The following ADAMTSL1 variants were observed in gnomAD, a reference collection of about 807,000 sequenced individuals.
ADAMTSL1 encodes ADAMTS like 1.
A neutral mutation model predicts 201.8 loss-of-function variants in ADAMTSL1; 126 were observed. The ratio of observed to expected loss-of-function variants is 0.62; its 90% confidence interval spans 0.54 to 0.72. The LOEUF is 0.72. ADAMTSL1 is among the 30% of genes least tolerant of loss of function. ADAMTSL1 has a pLI of 0.00. For synonymous variants in ADAMTSL1, 1,121 were observed against 903.4 expected (o/e 1.24, Z -4.32); for missense variants, 2,679 against 2,277.8 (o/e 1.18, Z -3.59).
intron 2 of ADAMTSL1, among the ~76,000 whole-genome samples, chr9:18,276,245 G>GTC (rs1832584049): frequency 6.6e-6 from 1 of 151,972 alleles, no homozygotes; most frequent in African/African-American, 2.4e-5. Flanking sequence ...TTTTAGAAAA[G>GTC]AGTTCTTTGT....
chr9:18,304,557 C>T (rs547978066), intron 2 of ADAMTSL1, among the ~76,000 whole-genome samples: 4 of 151,910 alleles, frequency 2.6e-5, no homozygotes, highest in East Asian at 3.9e-4. Flanking sequence ...CATATATAAG[C>T]GTGTTATTTA....
At position 18,028,742 on chromosome 9, in the gene ADAMTSL1, G is replaced by A. The variant is rs372695598; in HGVS notation, c.87+121820G>A. On this transcript the variant is annotated intron_variant, in intron 1 of 29. Coordinates refer to the ADAMTSL1 transcript ENST00000680146. ...TGGCTTAGGATTGACTTGGCAATGC[G>A]GGCTCTTTTTTGGTTCCATATGAAC... 2.2e-3 allele frequency among the ~76,000 whole-genome samples: 337 copies of A among 152,172 alleles called. 6 individuals carry two copies. The South Asian group carries it at 0.034, about 15-fold the overall frequency.
intron 2 of ADAMTSL1, among the ~76,000 whole-genome samples, chr9:18,528,676 A>C (rs1819249474): frequency 6.6e-6 from 1 of 152,184 alleles, no homozygotes; most frequent in Non-Finnish European, 1.5e-5. Flanking sequence ...ATACCTGTGC[A>C]TATTACATTT....
chr9:18,129,173 G>A (rs1298802675), intron 1 of ADAMTSL1, among the ~76,000 whole-genome samples: 1 of 152,154 alleles, frequency 6.6e-6, no homozygotes, highest in Non-Finnish European at 1.5e-5. Context: ...AGGCCTACCT[G>A]CTAAATATAT....
chr9:18,514,541 A>G (rs539958254), intron 2 of ADAMTSL1, among the ~76,000 whole-genome samples: 1 of 152,122 alleles, frequency 6.6e-6, no homozygotes, highest in South Asian at 2.1e-4. Flanking sequence ...CGTGTTCACC[A>G]GGATGGTCTC....
intron 2 of ADAMTSL1, among the ~76,000 whole-genome samples, chr9:18,276,745 T>G (rs1832603701): frequency 6.6e-6 from 1 of 152,152 alleles, no homozygotes; most frequent in Non-Finnish European, 1.5e-5. Flanking sequence ...GGTGCCAAGT[T>G]ATTTTAAACA....
rs111947378 is a variant in ADAMTSL1 at position 17,943,216 on chromosome 9, A to G, written c.87+36294A>G. 1.1e-3 allele frequency among the ~76,000 whole-genome samples: 175 copies of G among 152,260 alleles called. 1 individual carries two copies. The highest frequency in any genetic ancestry group is 1.4e-3 in the Non-Finnish European group (95 of 68,008). On this transcript the variant is annotated intron_variant, in intron 1 of 29. Transcript: ENST00000680146. ...CTTGGCCTCCCAAAGTGCTGGGATTACAGGTGTGAGCCACTGAACCCAGCC... is the reference window on the plus strand; with the variant it reads ...CTTGGCCTCCCAAAGTGCTGGGATTGCAGGTGTGAGCCACTGAACCCAGCC...
At position 18,131,379 on chromosome 9, in the gene ADAMTSL1, C is replaced by T. The variant is rs1022663356; in HGVS notation, c.88-32483C>T. Among the ~76,000 whole-genome samples the T allele has an allele frequency of 3.9e-5, 6 of 152,102 alleles. No homozygotes were observed. The South Asian group carries it at 1.2e-3, about 32-fold the overall frequency. Reference sequence around the variant, plus strand: ...AAAGCTGGCATCTCCAAGAACATGACCACAGCATTACTGAAGTCAAGGTTG... The same window carrying T: ...AAAGCTGGCATCTCCAAGAACATGATCACAGCATTACTGAAGTCAAGGTTG... On this transcript the variant is annotated intron_variant, in intron 1 of 29. Coordinates refer to the ADAMTSL1 transcript ENST00000680146.
At chr9:18,008,989 G>A (rs1586888540) in intron 1 of ADAMTSL1, among the ~76,000 whole-genome samples, 3 of 152,068 alleles carry the variant, frequency 2.0e-5, no homozygotes, top group South Asian at 2.1e-4. Context: ...GGACATGGGT[G>A]AGCAGCAAGA....
chr9:18,799,696 C>G (rs866077321), intron 20 of ADAMTSL1, among the ~76,000 whole-genome samples: 88 of 152,134 alleles, frequency 5.8e-4, no homozygotes, highest in African/African-American at 2.0e-3. Context: ...GCTCATCTGA[C>G]ATTTTCACAG....
chr9:18,226,714 T>G (rs1275959817), intron 2 of ADAMTSL1, among the ~76,000 whole-genome samples: 1 of 152,112 alleles, frequency 6.6e-6, no homozygotes, highest in African/African-American at 2.4e-5. Context: ...CCTATTCCAT[T>G]TGGTCATGGG....
At chr9:18,373,680 C>G (rs1837156763) in intron 2 of ADAMTSL1, among the ~76,000 whole-genome samples, 1 of 152,118 alleles carries the variant, frequency 6.6e-6, no homozygotes, top group Non-Finnish European at 1.5e-5. Context: ...CTAACCATGC[C>G]ACACCAAAGA....
At chr9:18,098,499 G>A (rs1425954220) in intron 1 of ADAMTSL1, among the ~76,000 whole-genome samples, 1 of 152,136 alleles carries the variant, frequency 6.6e-6, no homozygotes, top group Non-Finnish European at 1.5e-5. Flanking sequence ...AAGTGATATT[G>A]TTTTAAATTG....
At chr9:18,827,256 A>C (rs543875836) in intron 22 of ADAMTSL1, among the ~76,000 whole-genome samples, 15 of 152,274 alleles carry the variant, frequency 9.9e-5, no homozygotes, top group Admixed American at 4.6e-4. Flanking sequence ...ACCTAGAGAA[A>C]GCTGTCATTC....
chr9:18,646,073 G>T (rs1257809510), intron 7 of ADAMTSL1, among the ~76,000 whole-genome samples: 1 of 151,904 alleles, frequency 6.6e-6, no homozygotes, highest in Non-Finnish European at 1.5e-5. Flanking sequence ...CTTGAGCAGT[G>T]GTTTGTAGTT....
At chr9:18,672,055 T>TA (rs1480977278) in intron 9 of ADAMTSL1, among the ~76,000 whole-genome samples, 1 of 151,444 alleles carries the variant, frequency 6.6e-6, no homozygotes. Context: ...TAAATTTAAT[T>TA]AAAAAAAAGA....
intron 2 of ADAMTSL1, among the ~76,000 whole-genome samples, chr9:18,249,354 T>G (rs1238605694): frequency 6.6e-6 from 1 of 152,224 alleles, no homozygotes; most frequent in Non-Finnish European, 1.5e-5. Flanking sequence ...CCTAAGTCTA[T>G]AGAAAGTTAT....
At chr9:18,477,650 A>G (rs1001409027) in intron 1 of ADAMTSL1, among the ~76,000 whole-genome samples, 1 of 152,190 alleles carries the variant, frequency 6.6e-6, no homozygotes. Context: ...TCAGACCTAG[A>G]TTGTCTTTAA....
At chr9:18,812,327 A>G (rs780054825) in intron 20 of ADAMTSL1, among the ~76,000 whole-genome samples, 1 of 152,190 alleles carries the variant, frequency 6.6e-6, no homozygotes, top group Admixed American at 6.5e-5. Flanking sequence ...CAATGTAGGA[A>G]ATATAACCAA....
Sources: gnomAD v4.1 joint callset for allele counts (sites outside exome capture counted in the v4.1 genomes callset) on GRCh38, gnomAD v4.1.1 for gene constraint, MANE v1.5 for transcripts, NCBI Gene and HGNC (gene_info 2026-07-23, HGNC 2026-07-21) for gene names.